Variants in APC observed in about 807,000 individuals in gnomAD.
APC encodes the protein adenomatous polyposis coli protein.
In APC, 72 loss-of-function variants were observed where a neutral mutation model predicts 247.0. That is an observed-to-expected ratio of 0.29 (90% CI 0.24 to 0.35). APC has a LOEUF of 0.35. APC is among the 10% of genes least tolerant of loss of function. APC has a pLI of 1.00. For missense variants in APC, 3,400 were observed against 3,360.7 expected (o/e 1.01, Z -0.29); for synonymous variants, 1,254 against 1,162.5 (o/e 1.08, Z -1.60).
At chr5:112,833,181 T>A (rs1415400703) in intron 14 of APC, among the ~76,000 whole-genome samples, 1 of 30,584 alleles carries the variant, frequency 3.3e-5, no homozygotes, top group Non-Finnish European at 6.9e-5. Context: ...GCCTGGCTAA[T>A]TTTTTTTTTT....
At chr5:112,726,933 CTT>C (rs1751816579) in intron 1 of APC, among the ~76,000 whole-genome samples, 1 of 152,102 alleles carries the variant, frequency 6.6e-6, no homozygotes, top group Non-Finnish European at 1.5e-5. Context: ...TCTTTTCTCT[CTT>C]CTCTCTGAGA....
chr5:112,741,723 A>C (rs937411573), intron 1 of APC, among the ~76,000 whole-genome samples: 6 of 152,160 alleles, frequency 3.9e-5, no homozygotes, highest in Non-Finnish European at 5.9e-5. Flanking sequence ...CCATCTCTAG[A>C]AATTTTTAAT....
At chr5:112,821,721 T>A (rs560286063) in intron 10 of APC, among the ~76,000 whole-genome samples, 175 bp from the exon 11 acceptor site, 1 of 152,358 alleles carries the variant, frequency 6.6e-6, no homozygotes, top group Non-Finnish European at 1.5e-5. Flanking sequence ...TTTATTCCTA[T>A]TTTTTGTTCC....
intron 1 of APC, among the ~76,000 whole-genome samples, chr5:112,711,762 A>G (rs751960400): frequency 7.6e-4 from 116 of 152,302 alleles, no homozygotes; most frequent in African/African-American, 2.2e-3. Context: ...GGCTCTTGCA[A>G]TTGGCAAGTA....
intron 2 of APC, among the ~76,000 whole-genome samples, chr5:112,756,223 TG>T (rs1299849418): frequency 2.6e-5 from 4 of 152,248 alleles, no homozygotes; most frequent in Non-Finnish European, 4.4e-5. Context: ...CCTTTGCTCA[TG>T]TGTCCTATTC....
At chr5:112,836,619 A>G (rs531944772) in intron 15 of APC, among the ~76,000 whole-genome samples, 2 of 152,298 alleles carry the variant, frequency 1.3e-5, no homozygotes, top group African/African-American at 2.4e-5. Context: ...CCTTGTTTTT[A>G]TATGCCTTAA....
chr5:112,747,125 G>C (rs1753773471), intron 1 of APC, among the ~76,000 whole-genome samples: 1 of 152,116 alleles, frequency 6.6e-6, no homozygotes, highest in African/African-American at 2.4e-5. Flanking sequence ...CACCACACCT[G>C]GCCATTAGCA....
rs562177635 is a variant in APC at position 112,833,214 on chromosome 5, G to A, written c.1744-1737G>A. ...TTTTTTTTTTTTGAGACCGAGTCTCGCTCTGTCACCTAGGCTGGAGTATAG... is the reference window on the plus strand; with the variant it reads ...TTTTTTTTTTTTGAGACCGAGTCTCACTCTGTCACCTAGGCTGGAGTATAG... On this transcript the variant is annotated intron_variant, in intron 14 of 15. Transcript: ENST00000257430. Among the ~76,000 whole-genome samples the A allele has an allele frequency of 1.3e-3, 184 of 138,590 alleles. 2 individuals carry two copies. Among genetic ancestry groups the A allele is most frequent in the Admixed American group, 2.2e-3 (28 of 12,660 alleles). The allele number at this position is 138,590 out of a possible 152,430, so 90.9% of individuals were successfully genotyped here.
intron 7 of APC, among the ~76,000 whole-genome samples, chr5:112,796,286 G>A (rs574747865): frequency 4.1e-4 from 63 of 152,288 alleles, no homozygotes; most frequent in Non-Finnish European, 7.8e-4. Context: ...AGCCATTGAA[G>A]CAGGTTATTT....
chr5:112,819,355 T>A lies in APC; in HGVS notation c.1312+11T>A, dbSNP rs764176476. On this transcript the variant is annotated intron_variant, in intron 10 of 15. Coordinates refer to ENST00000257430, the MANE Select transcript of APC (RefSeq NM_000038.6). ...AGGACAAAAATCCAAGTATGTTCTC[T>A]ATAGTGTACATCGTAGTGCATGTTT... 1 of 1,613,942 alleles carries A rather than the reference T, an allele frequency of 6.2e-7. No homozygotes were observed. The highest frequency in any genetic ancestry group is 1.7e-5 in the Admixed American group (1 of 60,010).
At chr5:112,758,309 G>T (rs918747319) in intron 2 of APC, among the ~76,000 whole-genome samples, 8 of 135,518 alleles carry the variant, frequency 5.9e-5, no homozygotes, top group African/African-American at 1.5e-4. Context: ...TGTTTTTTTT[G>T]TTTGTTTGTT....
chr5:112,819,065 A>G lies in APC; in HGVS notation c.1033A>G (p.Ile345Val), dbSNP rs767126766. Reference protein sequence around the residue: ...LAMSSSQDSCISMRQSGCLPL... With the variant: ...LAMSSSQDSCVSMRQSGCLPL... Reference sequence around the variant, plus strand: ...TATGTCTAGCTCCCAAGACAGCTGTATATCCATGCGACAGTCTGGATGTCT... The same window carrying G: ...TATGTCTAGCTCCCAAGACAGCTGTGTATCCATGCGACAGTCTGGATGTCT... The change falls in exon 10 of 16, where the codon ATA becomes GTA. Residue 345 changes from isoleucine (I) to valine (V), a missense_variant. Physicochemically the swap from Ile to Val is conservative, Grantham distance 29 (BLOSUM62 3). Coordinates refer to ENST00000257430, the MANE Select transcript of APC (RefSeq NM_000038.6). The G allele has an allele frequency of 8.1e-6, 13 of 1,614,110 alleles. No individual in the cohort carries two copies. The highest frequency in any genetic ancestry group is 3.3e-5 in the South Asian group (3 of 91,086).
At chr5:112,824,342 A>G (rs1261891230) in intron 11 of APC, among the ~76,000 whole-genome samples, 1 of 152,228 alleles carries the variant, frequency 6.6e-6, no homozygotes, top group East Asian at 1.9e-4. Context: ...ATCCATTTAT[A>G]GGTTTAACCT....
intron 8 of APC, among the ~76,000 whole-genome samples, chr5:112,810,591 T>C (rs1405054787): frequency 6.6e-6 from 1 of 152,180 alleles, no homozygotes; most frequent in African/African-American, 2.4e-5. Flanking sequence ...ATGCTCAAAT[T>C]TCTCTAATGC....
At chr5:112,711,312 T>C (rs1173250331) in intron 1 of APC, among the ~76,000 whole-genome samples, 3 of 152,162 alleles carry the variant, frequency 2.0e-5, no homozygotes, top group Non-Finnish European at 4.4e-5. Context: ...AGGTGGAACA[T>C]TTTCATCCTG....
rs1765187507 is a variant in APC at position 112,838,051 on chromosome 5, G to A, written c.2457G>A (p.Met819Ile). The part of the protein sequence containing the change: ...NRSDNFNTGN[M>I]TVLSPYLNTT... Reference sequence around the variant, plus strand: ...CAGACAATTTTAATACTGGCAACATGACTGTCCTTTCACCATATTTGAATA... The same window carrying A: ...CAGACAATTTTAATACTGGCAACATAACTGTCCTTTCACCATATTTGAATA... Residue 819 changes from methionine (M) to isoleucine (I), a missense_variant, in exon 16 of 16, where the codon ATG becomes ATA. Around this residue, in one of 9 missense-constraint regions of APC, gnomAD observed 715 missense variants for 656.6 expected, o/e 1.09. Transcript: ENST00000257430. 6.2e-7 allele frequency: 1 copy of A among 1,614,104 alleles called. No individual in the cohort carries two copies. Among genetic ancestry groups the A allele is most frequent in the East Asian group, 2.2e-5 (1 of 44,886 alleles).
rs77766408 is a variant in APC at position 112,818,844 on chromosome 5, T to G, written c.934-122T>G. ...GTTTTCCGGTTTTTTGTTTTTTTTTTGGCGGGGGGGGTTGTTTTGTTTTTT... is the reference window on the plus strand; with the variant it reads ...GTTTTCCGGTTTTTTGTTTTTTTTTGGGCGGGGGGGGTTGTTTTGTTTTTT... On this transcript the variant is annotated intron_variant, in intron 9 of 15. Coordinates refer to ENST00000257430, the MANE Select transcript of APC (RefSeq NM_000038.6). 261 of 842,402 alleles carry G rather than the reference T, an allele frequency of 3.1e-4. 6 individuals are homozygous for G. The highest frequency in any genetic ancestry group is 6.9e-4 in the South Asian group (41 of 59,258). 52.2% of individuals were successfully genotyped at this position (842,402 alleles called of 1,614,324 possible). A position where few individuals can be genotyped will look rare whatever the true frequency, so the allele number is the denominator to read the frequency against.
At chr5:112,747,986 T>C (rs534990808) in intron 1 of APC, among the ~76,000 whole-genome samples, 3 of 152,334 alleles carry the variant, frequency 2.0e-5, no homozygotes, top group Admixed American at 6.5e-5. Context: ...CATCTATTTA[T>C]GTGTTTGGGG....
At position 112,841,122 on chromosome 5, in the gene APC, C is replaced by T. The variant is rs368080169; in HGVS notation, c.5528C>T (p.Pro1843Leu). 6.4e-5 allele frequency: 103 copies of T among 1,612,600 alleles called. No individual in the cohort carries two copies. The highest frequency in any genetic ancestry group is 1.6e-4 in the Middle Eastern group (1 of 6,062). The change falls in exon 16 of 16, where the codon CCT (proline) becomes CTT (leucine). Residue 1843 changes from proline (P) to leucine (L), a missense_variant. Physicochemically the swap from Pro to Leu is moderately conservative, Grantham distance 98. Transcript: ENST00000257430. The surrounding 1 kb of genome is among the most constrained non-coding windows in gnomAD (Gnocchi z 4.6). ...RVRGSFAFDSPHHYTPIEGTP... is the reference protein window; with the variant it reads ...RVRGSFAFDSLHHYTPIEGTP... ...AGAGGAAGTTTTGCTTTTGATTCAC[C>T]TCATCATTACACGCCTATTGAAGGA...
Sources: allele counts gnomAD v4.1 joint callset (sites outside exome capture counted in the v4.1 genomes callset), GRCh38; gene constraint gnomAD v4.1.1; regional missense constraint gnomAD v4.1.1; non-coding constraint Gnocchi (gnomAD v3.1); transcripts MANE v1.5; gene names NCBI Gene and HGNC (gene_info 2026-07-23, HGNC 2026-07-21).